ADAMTS2: variants seen among roughly 807,000 people sequenced by gnomAD.
The protein encoded by ADAMTS2 is ADAM metallopeptidase with thrombospondin type 1 motif 2.
ADAMTS2 carries 50 observed loss-of-function variants against 123.0 expected under a neutral mutation model. That is an observed-to-expected ratio of 0.41 (90% CI 0.32 to 0.51). The LOEUF is 0.51. ADAMTS2 is among the 20% of genes least tolerant of loss of function. The pLI is 0.35. For synonymous variants in ADAMTS2, 678 were observed against 695.4 expected (o/e 0.98, Z 0.39); for missense variants, 1,494 against 1,705.2 (o/e 0.88, Z 2.18).
At chr5:179,221,142 A>C (rs1765115345) in intron 3 of ADAMTS2, among the ~76,000 whole-genome samples, 2 of 152,138 alleles carry the variant, frequency 1.3e-5, no homozygotes, top group Admixed American at 1.3e-4. Context: ...CCTTCCTAGG[A>C]GGAAGAGTTC....
chr5:179,152,600 C>G (rs1190445034), intron 9 of ADAMTS2, among the ~76,000 whole-genome samples: 2 of 151,958 alleles, frequency 1.3e-5, no homozygotes, highest in Non-Finnish European at 2.9e-5. Flanking sequence ...CTGGCGAAGC[C>G]CTACCCCCAC....
In ADAMTS2 at chr5:179,158,835, C is replaced by T. The variant is rs2113265237; in HGVS notation, c.1020G>A (p.Glu340=). Residue 340 remains glutamate, a synonymous_variant, in exon 6 of 22, where the codon GAG becomes GAA. Transcript: ENST00000251582. This position sits in a 1 kb window ranked among gnomAD's most constrained non-coding sequence, Gnocchi z 5.0. ...GGAGGTAGGCCCAGCGGCAGACATTCTCCAGGCTCTGAGAGGGGTTCCCGA... is the reference window on the plus strand; with the variant it reads ...GGAGGTAGGCCCAGCGGCAGACATTTTCCAGGCTCTGAGAGGGGTTCCCGA... The part of the protein sequence containing the change: ...IEIGNPSQSL[E]NVCRWAYLQQ... 1 of 1,614,210 alleles carries T rather than the reference C, an allele frequency of 6.2e-7. No homozygotes were observed. Among genetic ancestry groups the T allele is most frequent in the South Asian group, 1.1e-5 (1 of 91,088 alleles).
intron 3 of ADAMTS2, 28 bp from the exon 4 acceptor site, chr5:179,207,743 G>A (rs200871917): frequency 1.3e-4 from 202 of 1,603,662 alleles, no homozygotes; most frequent in Non-Finnish European, 1.6e-4. Context: ...CGTCTTCAGC[G>A]GCAGGGCAAA....
chr5:179,260,092 G>A lies in ADAMTS2; in HGVS notation c.688+12819C>T, dbSNP rs1005109171. Among the ~76,000 whole-genome samples the A allele has an allele frequency of 6.6e-6, 1 of 152,146 alleles. No homozygotes were observed. The highest frequency in any genetic ancestry group is 2.4e-5 in the African/African-American group (1 of 41,448). ...CAGTCCTGCTCAAGTGTGAGGAAGT[G>A]GGACTAGCAAAGGCCCAGGGCCACC... On this transcript the variant is annotated intron_variant, in intron 3 of 21. Transcript: ENST00000251582. This position sits in a 1 kb window ranked among gnomAD's most constrained non-coding sequence, Gnocchi z 4.2.
At chr5:179,227,642 C>A (rs139407514) in intron 3 of ADAMTS2, among the ~76,000 whole-genome samples, 1 of 152,078 alleles carries the variant, frequency 6.6e-6, no homozygotes, top group Admixed American at 6.5e-5. Context: ...GGCCCAGACA[C>A]AGAGAGGGAA....
chr5:179,286,168 C>T (rs538783273), intron 2 of ADAMTS2, among the ~76,000 whole-genome samples: 2 of 145,872 alleles, frequency 1.4e-5, no homozygotes, highest in South Asian at 2.2e-4. Flanking sequence ...GAGCTAAGAT[C>T]GCACCGCTGC....
chr5:179,169,016 C>T (rs1475307597), intron 5 of ADAMTS2, among the ~76,000 whole-genome samples: 2 of 152,238 alleles, frequency 1.3e-5, no homozygotes, highest in Non-Finnish European at 2.9e-5. Flanking sequence ...CAACTTGAGC[C>T]TTCCCAGGCA....
At position 179,168,703 on chromosome 5, in the gene ADAMTS2, G is replaced by A. The variant is rs116307836; in HGVS notation, c.976-9824C>T. On this transcript the variant is annotated intron_variant, in intron 5 of 21. Transcript: ENST00000251582. ...GCTCACCAAAGGTCCCACGAGTATGGACAAAGCCAGAATGAATGGCAGGGA... is the reference window on the plus strand; with the variant it reads ...GCTCACCAAAGGTCCCACGAGTATGAACAAAGCCAGAATGAATGGCAGGGA... Among the ~76,000 whole-genome samples the A allele has an allele frequency of 7.1e-3, 1,087 of 152,266 alleles. 17 individuals are homozygous for A. Among genetic ancestry groups the A allele is most frequent in the African/African-American group, 0.024 (988 of 41,542 alleles).
intron 4 of ADAMTS2, among the ~76,000 whole-genome samples, chr5:179,199,473 G>A (rs1024834122): frequency 6.6e-6 from 1 of 152,212 alleles, no homozygotes. Context: ...GATGGGATTG[G>A]CCGTGGCCAT....
chr5:179,127,965 C>T lies in ADAMTS2; in HGVS notation c.2611G>A (p.Gly871Ser). 6.2e-7 allele frequency: 1 copy of T among 1,613,836 alleles called. No homozygotes were observed. The highest frequency in any genetic ancestry group is 8.5e-7 in the Non-Finnish European group (1 of 1,180,036). ...KKWSPCSKPC[G>S]GGSQFTKYGC... ...AGCTTCGAGACCCCCTCACCTCCGC[C>T]ACAGGGCTTGGAGCACGGAGACCAC... The change falls in exon 17 of 22, where the codon GGC (glycine) becomes AGC (serine). Residue 871 changes from glycine to serine, a missense_variant. Physicochemically the swap from Gly to Ser is moderately conservative, Grantham distance 56. Transcript: ENST00000251582.
Position 179,285,925 on chromosome 5 carries a change from G to A in ADAMTS2, c.535-12861C>T, listed in dbSNP as rs1756006334. ...GTCCAACTTCCCCATTCAAGATCCTGCCAACAGGCCGGGCACGGTGGCTCA... is the reference window on the plus strand; with the variant it reads ...GTCCAACTTCCCCATTCAAGATCCTACCAACAGGCCGGGCACGGTGGCTCA... On this transcript the variant is annotated intron_variant, in intron 2 of 21. Transcript: ENST00000251582. This position sits in a 1 kb window ranked among gnomAD's most constrained non-coding sequence, Gnocchi z 4.9. Among the ~76,000 whole-genome samples, 1 of 152,118 alleles carries A rather than the reference G, an allele frequency of 6.6e-6. No homozygotes were observed. The highest frequency in any genetic ancestry group is 1.5e-5 in the Non-Finnish European group (1 of 68,030).
intron 21 of ADAMTS2, among the ~76,000 whole-genome samples, chr5:179,116,502 C>T (rs780380072): frequency 5.3e-5 from 8 of 152,184 alleles, no homozygotes; most frequent in Admixed American, 1.3e-4. Flanking sequence ...CTGCAGCACA[C>T]GGTCTCAGCA....
At chr5:179,326,508 C>A (rs1006535792) in intron 2 of ADAMTS2, among the ~76,000 whole-genome samples, 1 of 147,300 alleles carries the variant, frequency 6.8e-6, no homozygotes, top group Non-Finnish European at 1.5e-5. Context: ...CTCCCATGCC[C>A]GCCCAAGCCC....
At chr5:179,334,790 G>T (rs1757569481) in intron 2 of ADAMTS2, among the ~76,000 whole-genome samples, 1 of 152,128 alleles carries the variant, frequency 6.6e-6, no homozygotes, top group African/African-American at 2.4e-5. Flanking sequence ...GCCTTCCTGT[G>T]TACCAATAGA....
Position 179,203,225 on chromosome 5 carries a change from G to A in ADAMTS2, c.891+4288C>T, listed in dbSNP as rs571119617. On this transcript the variant is annotated intron_variant, in intron 4 of 21. Coordinates refer to ENST00000251582, the MANE Select transcript of ADAMTS2 (RefSeq NM_014244.5). ...CCACCAGCTCCTCCTCCCAGGGCTC[G>A]ACGGCCTTTCCCAGGGCACAGGCTG... Among the ~76,000 whole-genome samples the A allele has an allele frequency of 1.6e-4, 24 of 152,330 alleles. No individual in the cohort carries two copies. In the South Asian group the frequency reaches 4.8e-3, roughly 30 times the overall value.
In ADAMTS2 at chr5:179,130,748, G is replaced by A. The variant is rs1199826973; in HGVS notation, c.2291-650C>T. ...GGGGCAGCTGGGTGATGTGAGTGGGGCCGCAGACAGGGCACTAGTGAGAAA... is the reference window on the plus strand; with the variant it reads ...GGGGCAGCTGGGTGATGTGAGTGGGACCGCAGACAGGGCACTAGTGAGAAA... On this transcript the variant is annotated intron_variant, in intron 15 of 21. Coordinates refer to ENST00000251582, the MANE Select transcript of ADAMTS2 (RefSeq NM_014244.5). The surrounding 1 kb of genome is among the most constrained non-coding windows in gnomAD (Gnocchi z 4.3). 6.6e-6 allele frequency among the ~76,000 whole-genome samples: 1 copy of A among 152,132 alleles called. No homozygotes were observed. The highest frequency in any genetic ancestry group is 1.5e-5 in the Non-Finnish European group (1 of 68,020).
At chr5:179,280,759 A>G (rs1049054491) in intron 2 of ADAMTS2, among the ~76,000 whole-genome samples, 1 of 152,210 alleles carries the variant, frequency 6.6e-6, no homozygotes, top group African/African-American at 2.4e-5. Context: ...GAGAGCTGGT[A>G]AAGATCTGTC....
chr5:179,146,218 A>C (rs1561777040), intron 10 of ADAMTS2, among the ~76,000 whole-genome samples: 1 of 152,226 alleles, frequency 6.6e-6, no homozygotes, highest in Non-Finnish European at 1.5e-5. Flanking sequence ...AGGGAAAAAA[A>C]CCAATACCAA....
Position 179,317,244 on chromosome 5 carries a change from G to A in ADAMTS2, c.534+26523C>T, listed in dbSNP as rs1757025733. On this transcript the variant is annotated intron_variant, in intron 2 of 21. Coordinates refer to ENST00000251582, the MANE Select transcript of ADAMTS2 (RefSeq NM_014244.5). The surrounding 1 kb of genome is among the most constrained non-coding windows in gnomAD (Gnocchi z 4.9). ...CTTTCCTCCCAGTGGTTTCTTGGTAGTTCCTCATAAATCCATGCGTAGGTC... is the reference window on the plus strand; with the variant it reads ...CTTTCCTCCCAGTGGTTTCTTGGTAATTCCTCATAAATCCATGCGTAGGTC... 6.6e-6 allele frequency among the ~76,000 whole-genome samples: 1 copy of A among 152,178 alleles called. No individual in the cohort carries two copies. Among genetic ancestry groups the A allele is most frequent in the African/African-American group, 2.4e-5 (1 of 41,442 alleles).
Sources: allele counts gnomAD v4.1 joint callset (sites outside exome capture counted in the v4.1 genomes callset), GRCh38; gene constraint gnomAD v4.1.1; non-coding constraint Gnocchi (gnomAD v3.1); transcripts MANE v1.5; gene names NCBI Gene and HGNC (gene_info 2026-07-23, HGNC 2026-07-21).